NLGN3: variants seen among roughly 807,000 people sequenced by gnomAD.
The protein encoded by NLGN3 is neuroligin 3, also known as neuroligin-3.
In NLGN3, 11 loss-of-function variants were observed where a neutral mutation model predicts 42.9. The ratio of observed to expected loss-of-function variants is 0.26; its 90% CI spans 0.16 to 0.42. NLGN3 has a LOEUF of 0.42. Ranked by LOEUF, NLGN3 falls within the 10% of genes least tolerant of loss-of-function variation. The probability of loss-of-function intolerance (pLI) is 1.00; values close to 1 mark genes in which losing one functional copy is unlikely to be tolerated. For missense variants in NLGN3, 374 were observed against 733.8 expected, an observed-to-expected ratio of 0.51 and a Z score of 5.67; for synonymous variants, 279 against 312.7, an observed-to-expected ratio of 0.89 and a Z score of 1.14.
At chrX:71,172,029 G>C (rs2092472039), downstream of NLGN3, among the ~76,000 whole-genome samples, 1 of 111,776 alleles carries the variant, frequency 8.9e-6, no homozygotes, top group South Asian at 3.7e-4. Context: ...ACCATGTTCA[G>C]AGAGGACGAA....
At chrX:71,173,051 A>G (rs1319721164), downstream of NLGN3, among the ~76,000 whole-genome samples, 2 of 108,745 alleles carry the variant, frequency 1.8e-5, no homozygotes, top group African/African-American at 6.7e-5. Context: ...GGCTCAAGCA[A>G]TCCTCCCACC....
At chrX:71,150,701 CAAAAAAAAA>C (rs1174331159) in intron 3 of NLGN3, among the ~76,000 whole-genome samples, 10 of 29,228 alleles carry the variant, frequency 3.4e-4, no homozygotes, top group African/African-American at 1.3e-3. Context: ...GACTCCATCT[CAAAAAAAAA>C]AAAAAAAAAA....
intron 5 of NLGN3, among the ~76,000 whole-genome samples, chrX:71,160,617 T>C (rs1454429679): frequency 8.9e-6 from 1 of 112,219 alleles, no homozygotes; most frequent in Non-Finnish European, 1.9e-5. Flanking sequence ...AGCTATTATT[T>C]GAGAAGGCCC....
In NLGN3 at chrX:71,170,487, C is replaced by G. The variant is rs1276258812; in HGVS notation, c.*390C>G. 4.6e-6 allele frequency: 4 copies of G among 876,840 alleles called. No individual in the cohort carries two copies. In the East Asian group the frequency reaches 2.4e-4, roughly 52 times the overall value. The allele number at this position is 876,840 out of a possible 1,213,427, so 72.3% of individuals were successfully genotyped here. On this transcript the variant is annotated 3_prime_UTR_variant, in exon 8 of 8. Coordinates refer to ENST00000358741, the MANE Select transcript of NLGN3 (RefSeq NM_181303.2). ...GCCTCTCTTGGAACTGCACCACCGACCAACTCCAGACTTGGGAGCTTTAAA... is the reference window on the plus strand; with the variant it reads ...GCCTCTCTTGGAACTGCACCACCGAGCAACTCCAGACTTGGGAGCTTTAAA...
chrX:71,158,684 G>C (rs760671921), intron 5 of NLGN3, among the ~76,000 whole-genome samples: 1 of 111,057 alleles, frequency 9.0e-6, no homozygotes, highest in South Asian at 3.8e-4. Context: ...GAAAATGAGA[G>C]GATAATAGAG....
downstream of NLGN3, among the ~76,000 whole-genome samples, chrX:71,171,970 T>A (rs1409749808): frequency 9.0e-6 from 1 of 111,425 alleles, no homozygotes; most frequent in Non-Finnish European, 1.9e-5. Context: ...GGAATAGAAT[T>A]CTTCAAATGA....
rs768148959 is a variant in NLGN3 at position 71,170,823 on chromosome X, G to A, written c.*726G>A. 2.9e-5 allele frequency: 22 copies of A among 754,420 alleles called. No homozygotes were observed. The highest frequency in any genetic ancestry group is 1.8e-4 in the African/African-American group (8 of 43,297). 62.2% of individuals were successfully genotyped at this position (754,420 alleles called of 1,213,427 possible). A position where few individuals can be genotyped will look rare whatever the true frequency, so the allele number is the denominator to read the frequency against. On this transcript the variant is annotated 3_prime_UTR_variant, in exon 8 of 8. Transcript: ENST00000358741. ...GAGATCTCCAACTCTCTCTGTGTCCGTGTGGAGGGCTGCAGAGCCTGCAGG... is the reference window on the plus strand; with the variant it reads ...GAGATCTCCAACTCTCTCTGTGTCCATGTGGAGGGCTGCAGAGCCTGCAGG...
At chrX:71,163,659 T>C (rs958603357) in intron 5 of NLGN3, among the ~76,000 whole-genome samples, 1 of 112,367 alleles carries the variant, frequency 8.9e-6, no homozygotes, top group Non-Finnish European at 1.9e-5. Context: ...GAGGTATTTT[T>C]ATCCCCATTT....
chrX:71,168,822 A>AAGAAAGT (rs2092457458), intron 7 of NLGN3, among the ~76,000 whole-genome samples: 1 of 12,934 alleles, frequency 7.7e-5, no homozygotes, highest in African/African-American at 4.9e-4. Context: ...GAGAAAAAAA[A>AAGAAAGT]AAGAAAGAAA....
At position 71,148,060 on chromosome X, in the gene NLGN3, C is replaced by T. The variant is rs774807691; in HGVS notation, c.311C>T (p.Pro104Leu). The T allele has an allele frequency of 8.3e-7, 1 of 1,209,659 alleles. No individual in the cohort carries two copies. The highest frequency in any genetic ancestry group is 3.0e-5 in the East Asian group (1 of 33,820). ...ATCCGGAACGCCACACACTTTCCCC[C>T]AGTGTGCCCCCAGAACATCCACACA... ...SGIRNATHFP[P>L]VCPQNIHTAV... Residue 104 changes from proline to leucine, a missense_variant, in exon 2 of 8, where the codon CCA becomes CTA. Transcript: ENST00000358741.
At position 71,170,025 on chromosome X, in the gene NLGN3, C is replaced by A. The variant is rs373899999; in HGVS notation, c.2475C>A (p.His825Gln). The A allele has an allele frequency of 3.3e-6, 4 of 1,207,254 alleles. No homozygotes were observed. In the African/African-American group the frequency reaches 5.3e-5, roughly 16 times the overall value. ...CCCTGGTAGGGCTGCAGACATTGCA[C>A]CCCTATAACACCTTTGCCGCAGGGT... ...PNSLVGLQTL[H>Q]PYNTFAAGFN... The change falls in exon 8 of 8, where the codon CAC becomes CAA. Residue 825 changes from histidine (H) to glutamine (Q), a missense_variant. By Grantham distance (24) the His-to-Gln change is conservative. Coordinates refer to ENST00000358741, the MANE Select transcript of NLGN3 (RefSeq NM_181303.2).
At chrX:71,171,417 A>G (rs1337369978), downstream of NLGN3, among the ~76,000 whole-genome samples, 1 of 109,343 alleles carries the variant, frequency 9.1e-6, no homozygotes, top group Non-Finnish European at 1.9e-5. Flanking sequence ...TGCTCTTCCC[A>G]TCCCCCTGCC....
chrX:71,152,962 G>A (rs2092396328), intron 3 of NLGN3, among the ~76,000 whole-genome samples: 1 of 111,940 alleles, frequency 8.9e-6, no homozygotes, highest in Non-Finnish European at 1.9e-5. Flanking sequence ...CCTGCCCACT[G>A]GGCCCCAGGA....
chrX:71,166,317 G>C (rs1192358646), intron 6 of NLGN3, among the ~76,000 whole-genome samples: 1 of 110,496 alleles, frequency 9.1e-6, no homozygotes, highest in Non-Finnish European at 1.9e-5. Context: ...TTAGCCGGGC[G>C]TGGTGGCGGG....
intron 4 of NLGN3, among the ~76,000 whole-genome samples, chrX:71,154,076 C>A (rs12393926): frequency 0.01 from 1,128 of 111,972 alleles, 16 homozygotes; most frequent in African/African-American, 0.034. Context: ...GAGATGGTCT[C>A]GGGGCTAGGG....
intron 6 of NLGN3, among the ~76,000 whole-genome samples, chrX:71,165,086 G>T (rs1301796782): frequency 8.9e-6 from 1 of 112,264 alleles, no homozygotes; most frequent in Admixed American, 9.4e-5. Flanking sequence ...GCCCTTTTCT[G>T]AAGTAAGGAA....
chrX:71,162,556 C>T (rs1360001569), intron 5 of NLGN3, among the ~76,000 whole-genome samples: 1 of 112,269 alleles, frequency 8.9e-6, no homozygotes, highest in Admixed American at 9.4e-5. Flanking sequence ...CTAATTCATT[C>T]TCATTTCCTC....
At chrX:71,173,269 C>T (rs1038730746), downstream of NLGN3, among the ~76,000 whole-genome samples, 4 of 111,119 alleles carry the variant, frequency 3.6e-5, no homozygotes, top group Admixed American at 3.8e-4. Context: ...GAACTCAAGG[C>T]GCCATAGCAA....
intron 5 of NLGN3, among the ~76,000 whole-genome samples, chrX:71,157,004 T>G (rs1291836388): frequency 1.8e-5 from 2 of 110,790 alleles, no homozygotes; most frequent in African/African-American, 6.6e-5. Context: ...GCCCTGCTCA[T>G]GCTCCCCCAA....
Sources: allele counts gnomAD v4.1 joint callset (sites outside exome capture counted in the v4.1 genomes callset), GRCh38; gene constraint gnomAD v4.1.1; transcripts MANE v1.5; gene names NCBI Gene and HGNC (gene_info 2026-07-23, HGNC 2026-07-21).